Variants in NEBL observed in about 807,000 individuals in gnomAD.
NEBL encodes the protein nebulette.
Under a neutral mutation model 140.2 loss-of-function variants are expected in NEBL, and 122 were observed. That is an observed-to-expected ratio of 0.87 (90% confidence interval 0.75 to 1.01). The LOEUF (loss-of-function observed/expected upper bound fraction) is 1.01, where lower values mean the gene tolerates loss of function less well. Among genes scored for constraint, NEBL ranks in the 50% least tolerant of loss-of-function variants. The probability of loss-of-function intolerance (pLI) is 0.00; values close to 1 mark genes in which losing one functional copy is unlikely to be tolerated. For synonymous variants in NEBL, 436 were observed against 398.9 expected (o/e 1.09, Z -1.11); for missense variants, 1,365 against 1,231.3 (o/e 1.11, Z -1.62).
At chr10:21,170,304 T>G (rs1040774146) in intron 2 of NEBL, 1 of 152,212 alleles carries the variant, frequency 6.6e-6, no homozygotes, top group East Asian at 1.9e-4. Flanking sequence ...AAAGGCATTG[T>G]TATCACTGGG....
At chr10:20,904,091 A>G (rs1042780295) in intron 4 of NEBL, among the ~76,000 whole-genome samples, 1 of 152,166 alleles carries the variant, frequency 6.6e-6, no homozygotes, top group African/African-American at 2.4e-5. Flanking sequence ...TGCTATAATA[A>G]AAGTTATGTG....
At chr10:21,093,504 T>C (rs531207597) in intron 2 of NEBL, among the ~76,000 whole-genome samples, 1 of 152,318 alleles carries the variant, frequency 6.6e-6, no homozygotes, top group South Asian at 2.1e-4. Context: ...TCAGTGTTCA[T>C]AAGCTGCTAA....
At position 21,003,261 on chromosome 10, in the gene NEBL, C is replaced by G. The variant is rs145935415; in HGVS notation, c.249+16856G>C. On this transcript the variant is annotated intron_variant, in intron 3 of 6. Transcript: ENST00000417816. ...TTCTCCCACCCTGGGGAACACAGAC[C>G]CACTTGCCTGACCTCCCACGCCATG... Among the ~76,000 whole-genome samples, 373 of 152,208 alleles carry G rather than the reference C, an allele frequency of 2.5e-3. 2 individuals carry two copies. Among genetic ancestry groups the G allele is most frequent in the African/African-American group, 8.6e-3 (359 of 41,526 alleles).
intron 10 of NEBL, among the ~76,000 whole-genome samples, chr10:20,850,993 G>A (rs903608597): frequency 6.6e-6 from 1 of 152,168 alleles, no homozygotes; most frequent in Non-Finnish European, 1.5e-5. Context: ...TAGACACTGA[G>A]TAAAACACTC....
chr10:21,225,874 C>A (rs1270660387), intron 3 of NEBL, among the ~76,000 whole-genome samples: 2 of 152,168 alleles, frequency 1.3e-5, no homozygotes, highest in Non-Finnish European at 2.9e-5. Flanking sequence ...TAGTACCCTG[C>A]CCCACTGTGG....
intron 26 of NEBL, among the ~76,000 whole-genome samples, chr10:20,793,062 C>T (rs565235949): frequency 2.0e-4 from 31 of 152,236 alleles, no homozygotes; most frequent in African/African-American, 7.5e-4. Flanking sequence ...ACTACAGAAA[C>T]CCCTTTTCCT....
intron 4 of NEBL, among the ~76,000 whole-genome samples, chr10:20,883,926 T>G (rs1846235943): frequency 6.6e-6 from 1 of 152,250 alleles, no homozygotes; most frequent in Non-Finnish European, 1.5e-5. Flanking sequence ...ATTCATTTTC[T>G]TCCTTAAAAT....
At chr10:21,100,788 T>C (rs1837443335) in intron 2 of NEBL, among the ~76,000 whole-genome samples, 1 of 152,128 alleles carries the variant, frequency 6.6e-6, no homozygotes, top group South Asian at 2.1e-4. Flanking sequence ...TTCTTCCCTG[T>C]GAAAAAGTGG....
At chr10:20,854,188 T>C (rs11012363) in intron 9 of NEBL, among the ~76,000 whole-genome samples, 1,918 of 152,304 alleles carry the variant, frequency 0.013, 31 homozygotes, top group African/African-American at 0.044. Context: ...AAGCTAAAGA[T>C]AGCTGCTTAT....
At chr10:21,169,068 ATATATAT>A (rs1416222257) in intron 2 of NEBL, among the ~76,000 whole-genome samples, 92 of 18,042 alleles carry the variant, frequency 5.1e-3, no homozygotes, top group South Asian at 9.9e-3. Context: ...AAAAAAAAAA[ATATATAT>A]ATATATATAT....
intron 1 of NEBL, among the ~76,000 whole-genome samples, chr10:21,282,225 C>A (rs898538577): frequency 6.6e-6 from 1 of 152,146 alleles, no homozygotes; most frequent in African/African-American, 2.4e-5. Context: ...TCTGCCCAGC[C>A]GGTGACTGCT....
exon 4 of NEBL, chr10:20,961,729 G>A (rs370924189): frequency 6.8e-6 from 11 of 1,613,748 alleles, no homozygotes; most frequent in East Asian, 2.2e-5. Flanking sequence ...TGTCCGTGAC[G>A]ATGCTGAAGC....
At chr10:21,114,870 T>A (rs996952697) in intron 2 of NEBL, among the ~76,000 whole-genome samples, 1 of 151,964 alleles carries the variant, frequency 6.6e-6, no homozygotes, top group African/African-American at 2.4e-5. Flanking sequence ...GTCTTTTAAT[T>A]GACAGAGTTT....
At chr10:21,015,955 G>A (rs1412650328) in intron 3 of NEBL, among the ~76,000 whole-genome samples, 1 of 152,212 alleles carries the variant, frequency 6.6e-6, no homozygotes, top group Non-Finnish European at 1.5e-5. Flanking sequence ...AAAATGAGAT[G>A]AGCCACTCCC....
intron 3 of NEBL, among the ~76,000 whole-genome samples, chr10:21,019,357 C>G (rs890385230): frequency 6.6e-6 from 1 of 152,244 alleles, no homozygotes; most frequent in African/African-American, 2.4e-5. Flanking sequence ...GGCCTACAAC[C>G]ACCTAGCCTC....
At chr10:20,894,912 G>C (rs531557849) in intron 2 of NEBL, among the ~76,000 whole-genome samples, 2 of 136,106 alleles carry the variant, frequency 1.5e-5, no homozygotes, top group South Asian at 2.3e-4. Context: ...CTGGGTGATA[G>C]AGCGAGACTC....
chr10:20,872,180 C>CAA (rs1845014286), intron 5 of NEBL, among the ~76,000 whole-genome samples: 2 of 152,002 alleles, frequency 1.3e-5, no homozygotes, highest in African/African-American at 4.8e-5. Flanking sequence ...GAGAGGTGAA[C>CAA]GGCACAAAGG....
chr10:20,995,638 C>T (rs1837638478), intron 3 of NEBL, among the ~76,000 whole-genome samples: 1 of 152,134 alleles, frequency 6.6e-6, no homozygotes, highest in Non-Finnish European at 1.5e-5. Context: ...CTTCACTGCT[C>T]TATATTTTTG....
chr10:20,897,560 G>T (rs1847617956), upstream of NEBL: 1 of 1,049,376 alleles, frequency 9.5e-7, no homozygotes, highest in Non-Finnish European at 1.2e-6. Context: ...GCATAAAAAG[G>T]ACTTAGAGAT....
Sources: gnomAD v4.1 joint callset for allele counts (sites outside exome capture counted in the v4.1 genomes callset) on GRCh38, gnomAD v4.1.1 for gene constraint, MANE v1.5 for transcripts, NCBI Gene and HGNC (gene_info 2026-07-23, HGNC 2026-07-21) for gene names.